PCBP3: variants seen among roughly 807,000 people sequenced by gnomAD.
PCBP3 encodes poly(rC)-binding protein 3.
A neutral mutation model predicts 52.7 loss-of-function variants in PCBP3; 25 were observed. The ratio of observed to expected loss-of-function variants is 0.47; its 90% confidence interval spans 0.35 to 0.66. The LOEUF (loss-of-function observed/expected upper bound fraction) is 0.66, where lower values mean the gene tolerates loss of function less well. PCBP3 is among the 30% of genes least tolerant of loss of function. The probability of loss-of-function intolerance (pLI) is 0.01; values close to 1 mark genes in which losing one functional copy is unlikely to be tolerated. For synonymous variants in PCBP3, 162 were observed against 183.0 expected (o/e 0.89, Z 0.93); for missense variants, 391 against 490.3 (o/e 0.80, Z 1.91).
intron 2 of PCBP3, among the ~76,000 whole-genome samples, chr21:45,715,167 G>A (rs1032368636): frequency 1.3e-5 from 2 of 152,282 alleles, no homozygotes; most frequent in South Asian, 4.1e-4. Flanking sequence ...ATATGTACAC[G>A]TGAATGTGAG....
At chr21:45,809,936 C>G (rs2146999051) in intron 4 of PCBP3, among the ~76,000 whole-genome samples, 2 of 152,288 alleles carry the variant, frequency 1.3e-5, no homozygotes, top group East Asian at 3.9e-4. Context: ...AGGGGTTTTG[C>G]AGATGGTATC....
rs2085869636 is a variant in PCBP3, at chr21:45,736,345, A to G, written c.-162+916A>G. ...CTTCCAACTTCACAATAGCAGAGTA[A>G]GAAGAGCTGCCTTGTTGATGGGACG... On this transcript the variant is annotated intron_variant, in intron 3 of 17. Coordinates refer to ENST00000681687, the MANE Select transcript of PCBP3 (RefSeq NM_001384156.1). This position sits in a 1 kb window ranked among gnomAD's most constrained non-coding sequence, Gnocchi z 4.6. Among the ~76,000 whole-genome samples the G allele has an allele frequency of 6.6e-6, 1 of 152,200 alleles. No homozygotes were observed. Among genetic ancestry groups the G allele is most frequent in the Admixed American group, 6.5e-5 (1 of 15,282 alleles).
chr21:45,793,218 G>A (rs2091723328), intron 4 of PCBP3, among the ~76,000 whole-genome samples: 1 of 152,130 alleles, frequency 6.6e-6, no homozygotes, highest in Non-Finnish European at 1.5e-5. Flanking sequence ...AAGAGTAGAC[G>A]GTCAAAGTGG....
At chr21:45,862,982 C>G (rs1277512169) in intron 5 of PCBP3, among the ~76,000 whole-genome samples, 3 of 152,158 alleles carry the variant, frequency 2.0e-5, no homozygotes, top group Non-Finnish European at 4.4e-5. Context: ...CTCTTGGCCC[C>G]GAGTGTCTGG....
At chr21:45,760,753 T>C (rs964823034) in intron 4 of PCBP3, 3 of 152,094 alleles carry the variant, frequency 2.0e-5, no homozygotes, top group Non-Finnish European at 4.4e-5. Context: ...TCCAGACATA[T>C]TGGAAATGTC....
intron 10 of PCBP3, among the ~76,000 whole-genome samples, chr21:45,909,883 A>C (rs1409214721): frequency 1.8e-5 from 1 of 55,674 alleles, no homozygotes; most frequent in Non-Finnish European, 3.3e-5. Context: ...GGACCCGGCC[A>C]CCCACTGCCC....
intron 5 of PCBP3, among the ~76,000 whole-genome samples, chr21:45,892,732 C>T (rs898496091): frequency 8.5e-5 from 13 of 152,166 alleles, no homozygotes; most frequent in African/African-American, 3.1e-4. Flanking sequence ...AGATCTGCAC[C>T]CCAGGTCTAT....
chr21:45,828,970 A>G (rs1334127440), intron 4 of PCBP3: 1 of 152,316 alleles, frequency 6.6e-6, no homozygotes, highest in Non-Finnish European at 1.5e-5. Flanking sequence ...GTGTGGACAG[A>G]AGGTGTTGTG....
intron 2 of PCBP3, among the ~76,000 whole-genome samples, chr21:45,709,446 C>G (rs375538661): frequency 6.6e-6 from 1 of 152,164 alleles, no homozygotes; most frequent in African/African-American, 2.4e-5. Flanking sequence ...ACACCATCAC[C>G]GTGACCTCTG....
At position 45,917,728 on chromosome 21, in the gene PCBP3, A is replaced by G. The variant is rs771710743; in HGVS notation, c.717+99A>G. On this transcript the variant is annotated intron_variant, in intron 13 of 17. Transcript: ENST00000681687. This position sits in a 1 kb window ranked among gnomAD's most constrained non-coding sequence, Gnocchi z 5.3. ...TTGCTACTAACATTAATATTACACA[A>G]TAATATTAATCAACTTCTCAGCGTT... 4.2e-6 allele frequency: 4 copies of G among 950,648 alleles called. No homozygotes were observed. The highest frequency in any genetic ancestry group is 5.2e-6 in the Non-Finnish European group (3 of 577,604). The allele number at this position is 950,648 out of a possible 1,614,324, so 58.9% of individuals were successfully genotyped here.
chr21:45,758,342 C>G (rs2088278257), intron 4 of PCBP3, among the ~76,000 whole-genome samples: 1 of 152,122 alleles, frequency 6.6e-6, no homozygotes, highest in South Asian at 2.1e-4. Context: ...CTTGCCATTT[C>G]AATAAATAAT....
At position 45,684,532 on chromosome 21, in the gene PCBP3, G is replaced by A. The variant is rs1603256368; in HGVS notation, c.-200+15580G>A. ...GGCTTGGTGTCCTCCCTGCAGTAAT[G>A]AGAGAGTTCTTACTCTGTTAATTCA... is the stretch of plus-strand genomic sequence containing the variant. On this transcript the variant is annotated intron_variant, in intron 2 of 17. Transcript: ENST00000681687. Among the ~76,000 whole-genome samples the A allele has an allele frequency of 4.6e-5, 7 of 152,300 alleles. No individual in the cohort carries two copies. In the South Asian group the frequency reaches 1.5e-3, roughly 32 times the overall value.
chr21:45,809,806 G>A (rs146048118), intron 4 of PCBP3, among the ~76,000 whole-genome samples: 7 of 152,286 alleles, frequency 4.6e-5, no homozygotes, highest in Non-Finnish European at 7.3e-5. Context: ...ATTCTAGGGG[G>A]TCCTAAGGCT....
intron 10 of PCBP3, 144 bp downstream of exon 10, chr21:45,909,630 G>T: frequency 1.3e-6 from 1 of 749,564 alleles, no homozygotes; most frequent in Non-Finnish European, 2.1e-6. Context: ...AGCTCAAAGT[G>T]CGAGACAGGA....
At chr21:45,892,580 G>C (rs991732412) in intron 5 of PCBP3, among the ~76,000 whole-genome samples, 2 of 152,070 alleles carry the variant, frequency 1.3e-5, no homozygotes, top group Admixed American at 1.3e-4. Flanking sequence ...AGGAGGGGAA[G>C]CAGGCATGGT....
intron 4 of PCBP3, among the ~76,000 whole-genome samples, chr21:45,775,124 T>G (rs2090155585): frequency 6.6e-6 from 1 of 152,182 alleles, no homozygotes; most frequent in Admixed American, 6.5e-5. Flanking sequence ...AATTCTGCTG[T>G]GAATTCACCT....
intron 4 of PCBP3, among the ~76,000 whole-genome samples, chr21:45,841,714 A>G (rs2093702925): frequency 6.6e-6 from 1 of 152,234 alleles, no homozygotes; most frequent in Non-Finnish European, 1.5e-5. Flanking sequence ...ATTTTTAAAT[A>G]AGAGTCTTCC....
At chr21:45,729,549 C>T (rs1432142260) in intron 2 of PCBP3, among the ~76,000 whole-genome samples, 2 of 152,170 alleles carry the variant, frequency 1.3e-5, no homozygotes, top group Non-Finnish European at 2.9e-5. Flanking sequence ...CAGGTCCTCA[C>T]CAACACTTCT....
At chr21:45,893,085 C>T (rs555175921) in intron 5 of PCBP3, among the ~76,000 whole-genome samples, 6 of 152,130 alleles carry the variant, frequency 3.9e-5, no homozygotes, top group East Asian at 1.9e-4. Context: ...GTTCTAGGCC[C>T]GGGCAGAGAG....
Sources: allele counts gnomAD v4.1 joint callset (sites outside exome capture counted in the v4.1 genomes callset), GRCh38; gene constraint gnomAD v4.1.1; non-coding constraint Gnocchi (gnomAD v3.1); transcripts MANE v1.5; gene names NCBI Gene and HGNC (gene_info 2026-07-23, HGNC 2026-07-21).